COL22A1: variants seen among roughly 807,000 people sequenced by gnomAD.
COL22A1 encodes collagen alpha-1(XXII) chain.
Under a neutral mutation model 248.9 loss-of-function variants are expected in COL22A1, and 221 were observed. The ratio of observed to expected loss-of-function variants is 0.89; its 90% CI spans 0.80 to 0.99. COL22A1 has a LOEUF of 0.99. Ranked by LOEUF, COL22A1 falls within the 50% of genes least tolerant of loss-of-function variation. The pLI is 0.00. For missense variants in COL22A1, 2,240 were observed against 2,179.0 expected (o/e 1.03, Z -0.56); for synonymous variants, 891 against 793.4 (o/e 1.12, Z -2.07).
intron 42 of COL22A1, among the ~76,000 whole-genome samples, chr8:138,662,651 C>T (rs925948451): frequency 6.6e-6 from 1 of 152,132 alleles, no homozygotes; most frequent in Non-Finnish European, 1.5e-5. Context: ...GAATTCCTGG[C>T]AGTTGCTGGA....
At chr8:138,811,709 C>T (rs1563796278) in intron 9 of COL22A1, 90 bp downstream of exon 9, 13 of 1,507,672 alleles carry the variant, frequency 8.6e-6, no homozygotes, top group Middle Eastern at 2.3e-4. Flanking sequence ...CCTGGTGCCC[C>T]CCTGACCTGA....
chr8:138,772,197 C>T lies in COL22A1; in HGVS notation c.1803+3769G>A, dbSNP rs544761689. Among the ~76,000 whole-genome samples, 3 of 152,350 alleles carry T rather than the reference C, an allele frequency of 2.0e-5. 1 individual carries two copies. Among genetic ancestry groups the T allele is most frequent in the South Asian group, 4.1e-4 (2 of 4,826 alleles). ...CGATCTTGGTTCCTGCATCGTCTCT[C>T]GCATGGGCCCGGTGCTCACCCATGT... On this transcript the variant is annotated intron_variant, in intron 16 of 64. Coordinates refer to ENST00000303045, the MANE Select transcript of COL22A1 (RefSeq NM_152888.3).
Position 138,623,770 on chromosome 8 carries a change from C to G in COL22A1, c.3733G>C (p.Glu1245Gln). The G allele has an allele frequency of 1.2e-6, 2 of 1,612,746 alleles. No individual in the cohort carries two copies. Among genetic ancestry groups the G allele is most frequent in the Non-Finnish European group, 1.7e-6 (2 of 1,179,436 alleles). Residue 1245 changes from glutamate (E) to glutamine (Q), a missense_variant, in exon 52 of 65, where the codon GAG becomes CAG. By Grantham distance (29) the Glu-to-Gln change is conservative. Transcript: ENST00000303045. ...GGACCCGGCTTTCCATCTCTGCCCT[C>G]TTTGCCTTCTTCTCCCTGCAAGAGA... ...LPGIPGEEGK[E>Q]GRDGKPGPPG...
rs184973626 is a variant in COL22A1, at chr8:138,781,458, G to T, written c.1597-478C>A. ...TAGATGCCAGCAGCACCCTCCAGGG[G>T]TGACAACCAAAAATGTCTTCAGATA... On this transcript the variant is annotated intron_variant, in intron 12 of 64. Transcript: ENST00000303045. 2.0e-5 allele frequency among the ~76,000 whole-genome samples: 3 copies of T among 152,276 alleles called. 1 individual carries two copies. The highest frequency in any genetic ancestry group is 1.5e-5 in the Non-Finnish European group (1 of 68,024).
chr8:138,660,711 CCCA>C (rs1823747788), intron 43 of COL22A1, among the ~76,000 whole-genome samples: 1 of 152,160 alleles, frequency 6.6e-6, no homozygotes. Flanking sequence ...TAGAACTACC[CCCA>C]CAACTCCTGT....
intron 15 of COL22A1, among the ~76,000 whole-genome samples, chr8:138,776,507 G>C (rs1050989241): frequency 1.3e-5 from 2 of 152,078 alleles, no homozygotes; most frequent in African/African-American, 2.4e-5. Context: ...CCTTTATCTA[G>C]AGCAGCACCT....
At position 138,588,331 on chromosome 8, in the gene COL22A1, C is replaced by T. The variant is rs943254140; in HGVS notation, c.*922G>A. 4.6e-5 allele frequency: 7 copies of T among 152,264 alleles called. No individual in the cohort carries two copies. The highest frequency in any genetic ancestry group is 1.9e-4 in the East Asian group (1 of 5,182). 9.4% of individuals were successfully genotyped at this position (152,264 alleles called of 1,614,324 possible). A position where few individuals can be genotyped will look rare whatever the true frequency, so the allele number is the denominator to read the frequency against. On this transcript the variant is annotated 3_prime_UTR_variant, in exon 65 of 65. Coordinates refer to ENST00000303045, the MANE Select transcript of COL22A1 (RefSeq NM_152888.3). ...ATGCCATTTATTTCAGAGACAGAGC[C>T]GCCTTGGAGATACAAATTTCCCAGC... is the stretch of plus-strand genomic sequence containing the variant.
Position 138,796,831 on chromosome 8 carries a change from T to C in COL22A1, c.1584A>G (p.Glu528=), listed in dbSNP as rs139237251. The C allele has an allele frequency of 6.2e-7, 1 of 1,601,812 alleles. No homozygotes were observed. Among genetic ancestry groups the C allele is most frequent in the Admixed American group, 1.7e-5 (1 of 59,986 alleles). ...GGAAGATGCTTACCTTTTCACCCTT[T>C]TCCCCTTGGCCAAAAGGTCCTATGC... ...DVGIGPFGQG[E]KGEKGSLGLP... Residue 528 remains glutamate (E), a synonymous_variant, in exon 12 of 65, where the codon GAA becomes GAG. Transcript: ENST00000303045.
At chr8:138,886,517 G>A (rs190006457) in intron 1 of COL22A1, among the ~76,000 whole-genome samples, 1 of 152,280 alleles carries the variant, frequency 6.6e-6, no homozygotes, top group East Asian at 1.9e-4. Flanking sequence ...TCAGAGAATC[G>A]AGACTATTGG....
chr8:138,826,544 CT>C, intron 6 of COL22A1, 113 bp downstream of exon 6: 1 of 1,152,972 alleles, frequency 8.7e-7, no homozygotes, highest in Non-Finnish European at 1.3e-6. Context: ...GGCTCTCTAT[CT>C]CTCTAGGCCC....
chr8:138,874,955 C>T (rs532661149), intron 3 of COL22A1, among the ~76,000 whole-genome samples: 1 of 152,324 alleles, frequency 6.6e-6, no homozygotes, highest in African/African-American at 2.4e-5. Context: ...CTTCTCCCAT[C>T]ACTAGTTCCT....
intron 29 of COL22A1, among the ~76,000 whole-genome samples, chr8:138,715,974 CCTCA>C (rs1231773167): frequency 6.6e-6 from 1 of 152,180 alleles, no homozygotes; most frequent in Non-Finnish European, 1.5e-5. Flanking sequence ...GCCTTCCACC[CCTCA>C]GCCCCATCTG....
intron 6 of COL22A1, among the ~76,000 whole-genome samples, chr8:138,824,831 G>C (rs1278983912): frequency 6.6e-6 from 1 of 152,138 alleles, no homozygotes; most frequent in African/African-American, 2.4e-5. Context: ...CTGGTGACGG[G>C]CACTCAACCA....
At chr8:138,883,599 G>T (rs1368247190) in intron 1 of COL22A1, among the ~76,000 whole-genome samples, 1 of 152,206 alleles carries the variant, frequency 6.6e-6, no homozygotes, top group African/African-American at 2.4e-5. Context: ...TCGAGGGAGG[G>T]ACCTGGTCGG....
In COL22A1 at chr8:138,791,052, G is replaced by A. The variant is rs116713897; in HGVS notation, c.1596+5767C>T. The stretch of plus-strand genomic sequence containing the variant: ...TTACAATGAAATCAATCCCATGAAT[G>A]TGTGGGCATGTTTTTCTAAGCCTCA... On this transcript the variant is annotated intron_variant, in intron 12 of 64. Transcript: ENST00000303045. 8.3e-4 allele frequency among the ~76,000 whole-genome samples: 126 copies of A among 152,294 alleles called. 1 individual carries two copies. Among genetic ancestry groups the A allele is most frequent in the African/African-American group, 3.0e-3 (123 of 41,560 alleles).
intron 3 of COL22A1, among the ~76,000 whole-genome samples, chr8:138,870,038 G>A (rs116502904): frequency 0.023 from 3,452 of 152,086 alleles, 151 homozygotes; most frequent in African/African-American, 0.08. Context: ...GAGGCCATAT[G>A]TGGAGTATTA....
chr8:138,598,652 C>A, intron 61 of COL22A1, 67 bp downstream of exon 61: 1 of 1,478,734 alleles, frequency 6.8e-7, no homozygotes, highest in South Asian at 1.3e-5. Flanking sequence ...CTGAAGTCCA[C>A]ACACTTCCCT....
At chr8:138,865,972 T>C (rs749391954) in intron 3 of COL22A1, among the ~76,000 whole-genome samples, 24 of 151,824 alleles carry the variant, frequency 1.6e-4, no homozygotes, top group Non-Finnish European at 3.2e-4. Context: ...TGTGAGTATA[T>C]GTGTGTGTGT....
chr8:138,857,920 G>A (rs1290910120), intron 3 of COL22A1, among the ~76,000 whole-genome samples: 2 of 152,186 alleles, frequency 1.3e-5, no homozygotes, highest in Admixed American at 1.3e-4. Flanking sequence ...GTCGCCTGCT[G>A]AAGGGTATAG....
Sources: gnomAD v4.1 joint callset for allele counts (sites outside exome capture counted in the v4.1 genomes callset) on GRCh38, gnomAD v4.1.1 for gene constraint, MANE v1.5 for transcripts, NCBI Gene and HGNC (gene_info 2026-07-23, HGNC 2026-07-21) for gene names.